SYNM: variants seen among roughly 807,000 people sequenced by gnomAD.
SYNM encodes synemin, also known as desmuslin.
In SYNM, 95 loss-of-function variants were observed where a neutral mutation model predicts 104.0. The observed-to-expected ratio is 0.91, with a 90% CI of 0.77 to 1.08. SYNM has a LOEUF of 1.08. SYNM is among the 50% of genes least tolerant of loss of function. SYNM has a pLI of 0.00. For missense variants in SYNM, 2,150 were observed against 2,052.2 expected (o/e 1.05, Z -0.92); for synonymous variants, 918 against 869.0 (o/e 1.06, Z -0.99).
chr15:99,133,011 C>G lies in SYNM; in HGVS notation c.4651C>G (p.Leu1551Val). 1 of 1,613,888 alleles carries G rather than the reference C, an allele frequency of 6.2e-7. No individual in the cohort carries two copies. The highest frequency in any genetic ancestry group is 8.5e-7 in the Non-Finnish European group (1 of 1,179,896). Residue 1551 changes from leucine to valine, a missense_variant, in exon 4 of 4, where the codon CTC (leucine) becomes GTC (valine). Physicochemically the swap from Leu to Val is conservative, Grantham distance 32. Coordinates refer to ENST00000336292, the MANE Select transcript of SYNM (RefSeq NM_145728.3). ...VISDEKKVAL[L>V]YLDNEEEEND... ...TTCAGATGAAAAGAAAGTTGCCCTC[C>G]TCTATCTAGACAATGAGGAGGAGGA...
At chr15:99,139,665 T>TAA, downstream of SYNM, 1 of 1,425,062 alleles carries the variant, frequency 7.0e-7, no homozygotes, top group Non-Finnish European at 9.3e-7. Flanking sequence ...GTAGTATTTT[T>TAA]AAAAATAAAG....
rs1409723253 is a variant in SYNM, at chr15:99,106,028, C to T, written c.810+19C>T. On this transcript the variant is annotated intron_variant, in intron 1 of 3. Coordinates refer to ENST00000336292, the MANE Select transcript of SYNM (RefSeq NM_145728.3). ...GCGGCAGGTCCGTGCGCGGGGATGG[C>T]GCGCTGACCCCATACCCGCTGCCGT... The T allele has an allele frequency of 1.4e-6, 2 of 1,431,304 alleles. No individual in the cohort carries two copies. Among genetic ancestry groups the T allele is most frequent in the East Asian group, 5.5e-5 (2 of 36,370 alleles). The allele number at this position is 1,431,304 out of a possible 1,614,324, so 88.7% of individuals were successfully genotyped here. A position where few individuals can be genotyped will look rare whatever the true frequency, so the allele number is the denominator to read the frequency against.
At chr15:99,123,584 G>T (rs914403160) in intron 2 of SYNM, among the ~76,000 whole-genome samples, 2 of 152,252 alleles carry the variant, frequency 1.3e-5, no homozygotes. Context: ...CGTCCACTCT[G>T]TGTGGAGCTT....
intron 2 of SYNM, 38 bp downstream of exon 2, chr15:99,113,753 T>C (rs145303035): frequency 1.6e-5 from 25 of 1,610,042 alleles, no homozygotes; most frequent in African/African-American, 2.7e-5. Flanking sequence ...GACGAAGCCA[T>C]GGGGGTGTAA....
At chr15:99,124,314 C>T (rs1300311071) in intron 2 of SYNM, among the ~76,000 whole-genome samples, 2 of 152,198 alleles carry the variant, frequency 1.3e-5, no homozygotes, top group Non-Finnish European at 2.9e-5. Flanking sequence ...TTGATGCTTT[C>T]GCCGTGTAGT....
chr15:99,113,006 A>G (rs755858042), intron 1 of SYNM, among the ~76,000 whole-genome samples: 2 of 152,170 alleles, frequency 1.3e-5, no homozygotes, highest in Non-Finnish European at 2.9e-5. Context: ...CCACCACGCT[A>G]GGCCCAAAAA....
chr15:99,105,172 G>A lies in SYNM; in HGVS notation c.-28G>A, dbSNP rs2067217532. The stretch of plus-strand genomic sequence containing the variant: ...GACCAGGGCAGGAGGGAGCCGGCCA[G>A]CCGCGAGAACCCCGCACGCCCGGCA... On this transcript the variant is annotated 5_prime_UTR_variant, in exon 1 of 4. Coordinates refer to ENST00000336292, the MANE Select transcript of SYNM (RefSeq NM_145728.3). The A allele has an allele frequency of 5.1e-6, 8 of 1,563,118 alleles. No homozygotes were observed. The highest frequency in any genetic ancestry group is 1.4e-5 in the African/African-American group (1 of 73,628).
At chr15:99,135,843 TTTGTGGTA>T (rs1340012343), downstream of SYNM, among the ~76,000 whole-genome samples, 12 of 152,286 alleles carry the variant, frequency 7.9e-5, no homozygotes, top group Admixed American at 7.2e-4. Context: ...CACTGGACAA[TTTGTGGTA>T]AAAATGTCAT....
At chr15:99,139,076 C>T (rs2067902164), downstream of SYNM, 1 of 572,766 alleles carries the variant, frequency 1.7e-6, no homozygotes, top group Non-Finnish European at 3.2e-6. Flanking sequence ...AGGGGCTGGT[C>T]TGCAGGAAGA....
intron 1 of SYNM, among the ~76,000 whole-genome samples, chr15:99,109,247 A>ACC (rs1555483187): frequency 5.9e-5 from 9 of 152,200 alleles, no homozygotes; most frequent in African/African-American, 2.2e-4. Context: ...TGCTGAACTG[A>ACC]CATCCAAGTT....
Position 99,130,378 on chromosome 15 carries a change from G to T in SYNM, c.2018G>T (p.Arg673Met). The change falls in exon 4 of 4, where the codon AGG (arginine) becomes ATG (methionine). Residue 673 changes from arginine to methionine, a missense_variant. Physicochemically the swap from Arg to Met is moderately conservative, Grantham distance 91. Transcript: ENST00000336292. ...FPDTKVTYVD[R>M]KELPGERKTK... is the part of the protein sequence containing the mutation. ...GACACAAAAGTCACTTACGTGGACA[G>T]GAAAGAGCTTCCTGGGGAAAGGAAA... 1 of 1,613,732 alleles carries T rather than the reference G, an allele frequency of 6.2e-7. No individual in the cohort carries two copies. Among genetic ancestry groups the T allele is most frequent in the East Asian group, 2.2e-5 (1 of 44,890 alleles).
At position 99,105,489 on chromosome 15, in the gene SYNM, G is replaced by T. The variant is rs2067224115; in HGVS notation, c.290G>T (p.Arg97Leu). The change falls in exon 1 of 4, where the codon CGC becomes CTC. Residue 97 changes from arginine (R) to leucine (L), a missense_variant. Coordinates refer to ENST00000336292, the MANE Select transcript of SYNM (RefSeq NM_145728.3). ...CGGCGCGAGCTGCGGGAGCTGCAGC[G>T]CCTGGATGCGGAGGAGCGCGCCGCC... ...ALRRELRELQ[R>L]LDAEERAARG... The T allele has an allele frequency of 7.5e-7, 1 of 1,341,670 alleles. No individual in the cohort carries two copies. The allele number at this position is 1,341,670 out of a possible 1,614,324, so 83.1% of individuals were successfully genotyped here.
At chr15:99,112,227 T>C (rs2067305718) in intron 1 of SYNM, among the ~76,000 whole-genome samples, 1 of 152,220 alleles carries the variant, frequency 6.6e-6, no homozygotes, top group Non-Finnish European at 1.5e-5. Flanking sequence ...CGTTTTTGAA[T>C]TCTACAAAGA....
At chr15:99,126,327 GC>G (rs1555485013) in intron 2 of SYNM, among the ~76,000 whole-genome samples, 3 of 152,306 alleles carry the variant, frequency 2.0e-5, no homozygotes, top group African/African-American at 7.2e-5. Flanking sequence ...CTGCTCTGGG[GC>G]CCTCTAGCCT....
intron 2 of SYNM, 142 bp downstream of exon 2, chr15:99,113,857 G>A (rs2067322343): frequency 7.6e-7 from 1 of 1,321,422 alleles, no homozygotes; most frequent in Non-Finnish European, 1.0e-6. Context: ...GCATGGCCAG[G>A]CAAGGAGTCC....
Position 99,130,206 on chromosome 15 carries a change from C to T in SYNM, c.1846C>T (p.Leu616=). 2 of 1,613,944 alleles carry T rather than the reference C, an allele frequency of 1.2e-6. No homozygotes were observed. The highest frequency in any genetic ancestry group is 1.7e-6 in the Non-Finnish European group (2 of 1,179,902). The change falls in exon 4 of 4, where the codon CTA becomes TTA. Residue 616 remains leucine, a synonymous_variant. Transcript: ENST00000336292. ...CGGTAGAGAGGCAGAAGCAAGAGAG[C>T]TACGGTTCAGGTTGGGCACCAGTGA... ...GTGREAEARE[L]RFRLGTSDAT...
intron 3 of SYNM, among the ~76,000 whole-genome samples, chr15:99,127,841 C>T (rs1555485188): frequency 1.3e-5 from 2 of 152,096 alleles, no homozygotes. Context: ...TTTGGACATC[C>T]ATCATGTAAC....
Position 99,131,162 on chromosome 15 carries a change from C to G in SYNM, c.2802C>G (p.His934Gln), listed in dbSNP as rs782506906. Reference protein sequence around the residue: ...EKEIKIPHEFHTSMKGISSKE... With the variant: ...EKEIKIPHEFQTSMKGISSKE... ...AAATTAAAATACCCCACGAATTCCA[C>G]ACCTCCATGAAGGGCATCTCCTCCA... Residue 934 changes from histidine to glutamine, a missense_variant, in exon 4 of 4, where the codon CAC becomes CAG. His to Gln is a conservative substitution (Grantham distance 24). Transcript: ENST00000336292. The surrounding 1 kb of genome is among the most constrained non-coding windows in gnomAD (Gnocchi z 4.3). The G allele has an allele frequency of 6.2e-7, 1 of 1,604,534 alleles. No homozygotes were observed. The highest frequency in any genetic ancestry group is 1.3e-5 in the African/African-American group (1 of 74,890).
chr15:99,128,225 T>C (rs1555485249), intron 3 of SYNM, among the ~76,000 whole-genome samples: 2 of 152,240 alleles, frequency 1.3e-5, no homozygotes, highest in East Asian at 1.9e-4. Context: ...AGTGAACTTA[T>C]CAATACTTGT....
Sources: gnomAD v4.1 joint callset for allele counts (sites outside exome capture counted in the v4.1 genomes callset) on GRCh38, gnomAD v4.1.1 for gene constraint, Gnocchi (gnomAD v3.1) non-coding constraint, MANE v1.5 for transcripts, NCBI Gene and HGNC (gene_info 2026-07-23, HGNC 2026-07-21) for gene names.